Variants in FAM227B observed in about 807,000 individuals in gnomAD.
FAM227B encodes protein FAM227B.
In FAM227B, 88 loss-of-function variants were observed where a neutral mutation model predicts 73.8. The ratio of observed to expected loss-of-function variants is 1.19; its 90% CI spans 1.00 to 1.42. FAM227B has a LOEUF of 1.42. FAM227B is among the 40% of genes most tolerant of loss of function. FAM227B has a pLI of 0.00. For synonymous variants in FAM227B, 210 were observed against 190.5 expected (o/e 1.10, Z -0.84); for missense variants, 632 against 590.9 (o/e 1.07, Z -0.72).
intron 5 of FAM227B, among the ~76,000 whole-genome samples, chr15:49,581,026 AG>A (rs1252838775): frequency 6.6e-6 from 1 of 152,190 alleles, no homozygotes; most frequent in Non-Finnish European, 1.5e-5. Context: ...AATGGGGGAG[AG>A]AAAAGGAACT....
At chr15:49,352,303 C>G (rs1011560700) in intron 13 of FAM227B, among the ~76,000 whole-genome samples, 2 of 152,234 alleles carry the variant, frequency 1.3e-5, no homozygotes, top group South Asian at 4.1e-4. Context: ...TGTTCAAACT[C>G]AAGGGCAGTG....
At chr15:49,375,522 C>CA (rs2046104436) in intron 11 of FAM227B, among the ~76,000 whole-genome samples, 1 of 151,732 alleles carries the variant, frequency 6.6e-6, no homozygotes, top group African/African-American at 2.4e-5. Flanking sequence ...TTATAAGAAC[C>CA]AAAGTGACAA....
intron 13 of FAM227B, among the ~76,000 whole-genome samples, chr15:49,356,056 C>A (rs1474626681): frequency 2.0e-5 from 3 of 149,762 alleles, no homozygotes; most frequent in Non-Finnish European, 4.4e-5. Context: ...ATTTTCTCAC[C>A]AACAGGCCTG....
chr15:49,471,359 T>C (rs1240024350), intron 11 of FAM227B, among the ~76,000 whole-genome samples: 1 of 151,820 alleles, frequency 6.6e-6, no homozygotes, highest in Non-Finnish European at 1.5e-5. Flanking sequence ...TGGCACAACC[T>C]GTAATTACAG....
At chr15:49,389,471 TAG>T (rs764633049) in intron 11 of FAM227B, among the ~76,000 whole-genome samples, 9 of 151,890 alleles carry the variant, frequency 5.9e-5, no homozygotes, top group Non-Finnish European at 1.2e-4. Context: ...TAATAGATTT[TAG>T]AGACTCAGAG....
At chr15:49,330,896 G>C (rs1302549673) in intron 15 of FAM227B, 3 of 152,288 alleles carry the variant, frequency 2.0e-5, no homozygotes, top group African/African-American at 4.8e-5. Flanking sequence ...CAAAGCTACA[G>C]TGAGCCATGA....
At position 49,327,581 on chromosome 15, in the gene FAM227B, T is replaced by A. The variant is rs1445309739; in HGVS notation, c.*987A>T. 3 of 159,720 alleles carry A rather than the reference T, an allele frequency of 1.9e-5. No homozygotes were observed. The highest frequency in any genetic ancestry group is 7.2e-5 in the African/African-American group (3 of 41,740). 9.9% of individuals were successfully genotyped at this position (159,720 alleles called of 1,614,324 possible). A position where few individuals can be genotyped will look rare whatever the true frequency, so the allele number is the denominator to read the frequency against. On this transcript the variant is annotated 3_prime_UTR_variant, in exon 16 of 16. Coordinates refer to ENST00000299338, the MANE Select transcript of FAM227B (RefSeq NM_152647.3). Reference sequence around the variant, plus strand: ...TGATTCAGGGTTGCCTACATTTCTTTTACCATTGCCTGTTTTATCTTAACG... The same window carrying A: ...TGATTCAGGGTTGCCTACATTTCTTATACCATTGCCTGTTTTATCTTAACG...
chr15:49,402,179 A>G (rs1343879884), intron 11 of FAM227B, among the ~76,000 whole-genome samples: 1 of 152,160 alleles, frequency 6.6e-6, no homozygotes, highest in Non-Finnish European at 1.5e-5. Context: ...CTTGGTGTAC[A>G]ATAAAATACT....
intron 13 of FAM227B, among the ~76,000 whole-genome samples, chr15:49,361,634 A>G (rs1054961402): frequency 5.9e-5 from 9 of 151,932 alleles, no homozygotes; most frequent in Admixed American, 5.9e-4. Flanking sequence ...CGTTTTCTTT[A>G]CCTAGTCCTG....
chr15:49,501,517 GTAA>G (rs2058134062), intron 11 of FAM227B, among the ~76,000 whole-genome samples: 1 of 152,204 alleles, frequency 6.6e-6, no homozygotes, highest in African/African-American at 2.4e-5. Flanking sequence ...TATTCAAGAT[GTAA>G]CCCTGGCTGC....
chr15:49,395,678 T>G (rs554471187), intron 11 of FAM227B, among the ~76,000 whole-genome samples: 57 of 152,354 alleles, frequency 3.7e-4, no homozygotes, highest in African/African-American at 1.3e-3. Flanking sequence ...TTTGAAAGGC[T>G]GAGGCAGGGC....
At position 49,552,726 on chromosome 15, in the gene FAM227B, T is replaced by G. The variant is rs60665313; in HGVS notation, c.748-10920A>C. Among the ~76,000 whole-genome samples the G allele has an allele frequency of 2.4e-3, 361 of 152,224 alleles. 2 individuals are homozygous for G. In the East Asian group the frequency reaches 0.037, roughly 15 times the overall value. On this transcript the variant is annotated intron_variant, in intron 9 of 15. Transcript: ENST00000299338. ...ATAGCCTATCTTCAAGCTCACTAAT[T>G]CTTTCTTCTGCTTGATCCATTCTGC...
At chr15:49,405,583 G>C (rs772671315) in intron 11 of FAM227B, among the ~76,000 whole-genome samples, 1 of 152,110 alleles carries the variant, frequency 6.6e-6, no homozygotes, top group Non-Finnish European at 1.5e-5. Flanking sequence ...AATTATTGTA[G>C]CATGTTTTTC....
chr15:49,383,458 T>C (rs2046672446), intron 11 of FAM227B, among the ~76,000 whole-genome samples: 1 of 152,118 alleles, frequency 6.6e-6, no homozygotes, highest in Admixed American at 6.6e-5. Context: ...GACTACAATA[T>C]AGTATAAACA....
intron 9 of FAM227B, among the ~76,000 whole-genome samples, chr15:49,550,234 G>A (rs574730272): frequency 0.013 from 1,861 of 148,028 alleles, 60 homozygotes; most frequent in African/African-American, 0.045. Flanking sequence ...CCTCCCTGAC[G>A]GGGCGGCTGG....
intron 13 of FAM227B, among the ~76,000 whole-genome samples, chr15:49,341,606 T>G (rs1378411962): frequency 6.6e-6 from 1 of 152,128 alleles, no homozygotes; most frequent in Admixed American, 6.5e-5. Flanking sequence ...CTTACTTCAA[T>G]CTCCCAAAGT....
chr15:49,497,938 C>A (rs1325178075), intron 11 of FAM227B, among the ~76,000 whole-genome samples: 2 of 152,288 alleles, frequency 1.3e-5, no homozygotes, highest in African/African-American at 4.8e-5. Flanking sequence ...AATTCGTACA[C>A]GAAACTGGAA....
chr15:49,531,928 T>C (rs2060639526), intron 10 of FAM227B, among the ~76,000 whole-genome samples: 1 of 151,734 alleles, frequency 6.6e-6, no homozygotes, highest in South Asian at 2.1e-4. Context: ...TGTTACTAGA[T>C]AAACAGGTAG....
At chr15:49,332,093 A>C (rs117526734) in intron 14 of FAM227B, among the ~76,000 whole-genome samples, 21,168 of 122,138 alleles carry the variant, frequency 0.17, 2,032 homozygotes, top group Non-Finnish European at 0.22. Flanking sequence ...CGTGCCACAC[A>C]CACACACACA....
Sources: gnomAD v4.1 joint callset for allele counts (sites outside exome capture counted in the v4.1 genomes callset) on GRCh38, gnomAD v4.1.1 for gene constraint, MANE v1.5 for transcripts, NCBI Gene and HGNC (gene_info 2026-07-23, HGNC 2026-07-21) for gene names.